IL17RC: variants seen among roughly 807,000 people sequenced by gnomAD.
The protein encoded by IL17RC is interleukin-17 receptor C.
Under a neutral mutation model 86.7 loss-of-function variants are expected in IL17RC, and 53 were observed. That is an observed-to-expected ratio of 0.61 (90% CI 0.49 to 0.77). The LOEUF is 0.77. Ranked by LOEUF, IL17RC falls within the 30% of genes least tolerant of loss-of-function variation. The pLI, the probability that IL17RC is intolerant of heterozygous loss-of-function variation, is 0.00. For synonymous variants in IL17RC, 439 were observed against 413.1 expected, an observed-to-expected ratio of 1.06 and a Z score of -0.76; for missense variants, 957 against 940.0, an observed-to-expected ratio of 1.02 and a Z score of -0.24.
intron 5 of IL17RC, 139 bp from the exon 6 acceptor site, chr3:9,920,352 T>A: frequency 1.7e-6 from 1 of 593,736 alleles, no homozygotes; most frequent in African/African-American, 1.8e-5. Context: ...ATAGTAGATT[T>A]CAGGCTATAC....
rs1233855610 is a variant in IL17RC, at chr3:9,933,457, G to T, written c.2027G>T (p.Arg676Leu). ...LQQPRAPRSGRLQERAEQVSR... is the reference protein window; with the variant it reads ...LQQPRAPRSGLLQERAEQVSR... ...CAGCCTCGCGCCCCGCGTTCCGGGC[G>T]GCTCCAAGAGAGAGCGGAGCAAGTG... The change falls in exon 19 of 19, where the codon CGG becomes CTG. Residue 676 changes from arginine to leucine, a missense_variant. Transcript: ENST00000403601. The T allele has an allele frequency of 1.2e-6, 2 of 1,612,974 alleles. No homozygotes were observed. The highest frequency in any genetic ancestry group is 1.7e-6 in the Non-Finnish European group (2 of 1,179,772).
In IL17RC at chr3:9,918,417, G is replaced by A. The variant is rs1351799755; in HGVS notation, c.355+8G>A. Reference sequence around the variant, plus strand: ...TGGAGGAGCCTAGGAATGGTGAGGAGAACCTGGCTGGCCCAACTGCCCCAT... The same window carrying A: ...TGGAGGAGCCTAGGAATGGTGAGGAAAACCTGGCTGGCCCAACTGCCCCAT... On this transcript the variant is annotated splice_region_variant and intron_variant, in intron 4 of 18. Transcript: ENST00000403601. The A allele has an allele frequency of 6.2e-7, 1 of 1,612,932 alleles. No individual in the cohort carries two copies. The highest frequency in any genetic ancestry group is 1.7e-5 in the Admixed American group (1 of 59,854).
In IL17RC at chr3:9,931,470, C is replaced by CACACACATATAT. The variant is rs750351615; in HGVS notation, c.1387+528_1387+529insCACACATATATA. ...TATATATTTCACACACACACACACACATATATATATATATATATATATATA... is the reference window on the plus strand; with the variant it reads ...TATATATTTCACACACACACACACACACACACATATATATATATATATATATATATATATATA... On this transcript the variant is annotated intron_variant, in intron 16 of 18. Transcript: ENST00000403601. Among the ~76,000 whole-genome samples, 178 of 43,590 alleles carry CACACACATATAT rather than the reference C, an allele frequency of 4.1e-3. 1 individual carries two copies. Among genetic ancestry groups the CACACACATATAT allele is most frequent in the Non-Finnish European group, 9.8e-3 (152 of 15,554 alleles). 28.6% of individuals were successfully genotyped at this position (43,590 alleles called of 152,430 possible). A position where few individuals can be genotyped will look rare whatever the true frequency, so the allele number is the denominator to read the frequency against.
chr3:9,932,776 G>C, intron 17 of IL17RC, 44 bp from the exon 18 acceptor site: 1 of 1,587,746 alleles, frequency 6.3e-7, no homozygotes. Context: ...GAGGGAAAGC[G>C]GCGGCCGAGC....
At chr3:9,931,117 C>T (rs1397408027) in intron 16 of IL17RC, among the ~76,000 whole-genome samples, 174 bp downstream of exon 16, 1 of 152,120 alleles carries the variant, frequency 6.6e-6, no homozygotes, top group Non-Finnish European at 1.5e-5. Flanking sequence ...ATCGCAGGAA[C>T]ACCAAAAATA....
At chr3:9,921,315 C>T (rs868104970) in intron 7 of IL17RC, among the ~76,000 whole-genome samples, 1 of 152,020 alleles carries the variant, frequency 6.6e-6, no homozygotes. Flanking sequence ...ATTAACAGGA[C>T]ATGGTGGTGT....
Position 9,930,715 on chromosome 3 carries a change from G to C in IL17RC, c.1339-180G>C, listed in dbSNP as rs1333313659. The C allele has an allele frequency of 1.4e-6, 1 of 701,626 alleles. No homozygotes were observed. The highest frequency in any genetic ancestry group is 2.5e-6 in the Non-Finnish European group (1 of 397,566). 43.5% of individuals were successfully genotyped at this position (701,626 alleles called of 1,614,324 possible). A position where few individuals can be genotyped will look rare whatever the true frequency, so the allele number is the denominator to read the frequency against. On this transcript the variant is annotated intron_variant, in intron 15 of 18. Coordinates refer to ENST00000403601, the MANE Select transcript of IL17RC (RefSeq NM_153460.4). The surrounding 1 kb of genome is among the most constrained non-coding windows in gnomAD (Gnocchi z 5.8). ...AATTTCTTCCTATAAGCCAGATTTG[G>C]TATGGAAGAAGTCATACCCTAGTCA...
In IL17RC at chr3:9,933,015, C is replaced by A; in HGVS notation, c.1585C>A (p.Leu529Met). The A allele has an allele frequency of 6.4e-7, 1 of 1,566,202 alleles. No homozygotes were observed. Among genetic ancestry groups the A allele is most frequent in the South Asian group, 1.2e-5 (1 of 84,650 alleles). Residue 529 changes from leucine to methionine, a missense_variant, in exon 19 of 19, where the codon CTG becomes ATG. By Grantham distance (15) the Leu-to-Met change is conservative. Transcript: ENST00000403601. ...AGCCGATGACTCGGGTTTCGAGCGCCTGGTGGGCGCCCTGGCGTCGGCCCT... is the reference window on the plus strand; with the variant it reads ...AGCCGATGACTCGGGTTTCGAGCGCATGGTGGGCGCCCTGGCGTCGGCCCT... ...YSADDSGFER[L>M]VGALASALCQ...
intron 12 of IL17RC, chr3:9,929,479 T>C (rs149046090): frequency 2.9e-5 from 8 of 276,994 alleles, no homozygotes; most frequent in African/African-American, 1.3e-4. Context: ...AAATAAATCA[T>C]ATAGTATCTT....
In IL17RC at chr3:9,923,910, G is replaced by T; in HGVS notation, c.652G>T (p.Gly218Cys). 6.2e-7 allele frequency: 1 copy of T among 1,614,170 alleles called. No homozygotes were observed. Among genetic ancestry groups the T allele is most frequent in the East Asian group, 2.2e-5 (1 of 44,880 alleles). The change falls in exon 8 of 19, where the codon GGT becomes TGT. Residue 218 changes from glycine (G) to cysteine (C), a missense_variant. Physicochemically the swap from Gly to Cys is radical, Grantham distance 159. Coordinates refer to ENST00000403601, the MANE Select transcript of IL17RC (RefSeq NM_153460.4). ...ALPWLNVSAD[G>C]DNVHLVLNVS... ...GCCCTGGCTCAACGTGTCAGCAGAT[G>T]GTGACAACGTGCATCTGGTTCTGAA...
At chr3:9,923,824 G>C in intron 7 of IL17RC, 57 bp from the exon 8 acceptor site, 3 of 1,587,142 alleles carry the variant, frequency 1.9e-6, no homozygotes, top group East Asian at 2.2e-5. Context: ...AGGGTCAGTC[G>C]GGGATGCAGA....
Position 9,932,721 on chromosome 3 carries a change from CCCCATT to C in IL17RC, c.1483+22_1483+27del. 6.2e-7 allele frequency: 1 copy of C among 1,613,912 alleles called. No individual in the cohort carries two copies. Among genetic ancestry groups the C allele is most frequent in the South Asian group, 1.1e-5 (1 of 91,078 alleles). On this transcript the variant is annotated intron_variant, in intron 17 of 18. Coordinates refer to ENST00000403601, the MANE Select transcript of IL17RC (RefSeq NM_153460.4). ...CGCGAAAGGTGAGCGCTTCCCGGCT[CCCCATT>C]CCCCTGGGGGAGGACCAGAGTGGCT...
rs764429720 is a variant in IL17RC at position 9,932,692 on chromosome 3, A to T, written c.1472A>T (p.Asp491Val). The change falls in exon 17 of 19, where the codon GAT becomes GTT. Residue 491 changes from aspartate (D) to valine (V), a missense_variant. Coordinates refer to ENST00000403601, the MANE Select transcript of IL17RC (RefSeq NM_153460.4). ...ALSLILLLKKDHAKGWLRLLK... is the reference protein window; with the variant it reads ...ALSLILLLKKVHAKGWLRLLK... ...TCCCTCATCCTCCTTCTCAAAAAGG[A>T]TCACGCGAAAGGTGAGCGCTTCCCG... 6 of 1,613,902 alleles carry T rather than the reference A, an allele frequency of 3.7e-6. No homozygotes were observed. The Admixed American group carries it at 8.3e-5, about 22-fold the overall frequency.
intron 7 of IL17RC, among the ~76,000 whole-genome samples, chr3:9,922,097 C>T (rs1044688423): frequency 1.4e-4 from 21 of 151,688 alleles, no homozygotes; most frequent in Admixed American, 1.1e-3. Flanking sequence ...GGATTACAGA[C>T]GTGCACCACC....
chr3:9,917,255 GC>G lies in IL17RC; in HGVS notation c.-55del. 1 of 1,331,598 alleles carries G rather than the reference GC, an allele frequency of 7.5e-7. No individual in the cohort carries two copies. The highest frequency in any genetic ancestry group is 1.0e-6 in the Non-Finnish European group (1 of 983,976). 82.5% of individuals were successfully genotyped at this position (1,331,598 alleles called of 1,614,324 possible). ...CAGACACGGGCTGACTGGGGTGTCT[GC>G]CCCCCTTGGGGGGGGGCAGCACAGG... On this transcript the variant is annotated 5_prime_UTR_variant, in exon 1 of 19. Transcript: ENST00000403601.
chr3:9,918,437 C>T (rs760976941), intron 4 of IL17RC, 28 bp downstream of exon 4: 1 of 1,610,552 alleles, frequency 6.2e-7, no homozygotes, highest in South Asian at 1.1e-5. Flanking sequence ...GGCCCAACTG[C>T]CCCATGCCAA....
At position 9,933,416 on chromosome 3, in the gene IL17RC, C is replaced by T. The variant is rs2125321162; in HGVS notation, c.1986C>T (p.Phe662=). 4 of 1,613,240 alleles carry T rather than the reference C, an allele frequency of 2.5e-6. No homozygotes were observed. Among genetic ancestry groups the T allele is most frequent in the Admixed American group, 1.7e-5 (1 of 59,988 alleles). Residue 662 remains phenylalanine, a synonymous_variant, in exon 19 of 19, where the codon TTC becomes TTT. Coordinates refer to ENST00000403601, the MANE Select transcript of IL17RC (RefSeq NM_153460.4). ...VFTLPSQLPD[F]LGALQQPRAP... Reference sequence around the variant, plus strand: ...CACTGCCCTCCCAACTGCCAGACTTCCTGGGGGCCCTGCAGCAGCCTCGCG... The same window carrying T: ...CACTGCCCTCCCAACTGCCAGACTTTCTGGGGGCCCTGCAGCAGCCTCGCG...
In IL17RC at chr3:9,933,149, G is replaced by A. The variant is rs772906046; in HGVS notation, c.1719G>A (p.Glu573=). The A allele has an allele frequency of 4.4e-6, 7 of 1,602,650 alleles. No individual in the cohort carries two copies. Among genetic ancestry groups the A allele is most frequent in the Non-Finnish European group, 5.9e-6 (7 of 1,176,566 alleles). The change falls in exon 19 of 19, where the codon GAG becomes GAA. Residue 573 remains glutamate (E), a synonymous_variant. Coordinates refer to ENST00000403601, the MANE Select transcript of IL17RC (RefSeq NM_153460.4). ...CGCAGCGGCGCCAGACCCTGCAGGA[G>A]GGCGGCGTGGTGGTCTTGCTCTTCT... ...FHAQRRQTLQ[E]GGVVVLLFSP...
intron 16 of IL17RC, 57 bp from the exon 17 acceptor site, chr3:9,932,551 C>T: frequency 1.4e-6 from 2 of 1,474,974 alleles, no homozygotes; most frequent in Non-Finnish European, 1.9e-6. Context: ...TGTTAAGTCT[C>T]AGTTTTTCTT....
Sources: gnomAD v4.1 joint callset for allele counts (sites outside exome capture counted in the v4.1 genomes callset) on GRCh38, gnomAD v4.1.1 for gene constraint, Gnocchi (gnomAD v3.1) non-coding constraint, MANE v1.5 for transcripts, NCBI Gene and HGNC (gene_info 2026-07-23, HGNC 2026-07-21) for gene names.